KCNN3: variants seen among roughly 807,000 people sequenced by gnomAD.
KCNN3 encodes the protein potassium calcium-activated channel subfamily N member 3, also known as small conductance calcium-activated potassium channel protein 3.
Under a neutral mutation model 62.9 loss-of-function variants are expected in KCNN3, and 16 were observed. That is an observed-to-expected ratio of 0.25 (90% CI 0.17 to 0.39). The LOEUF (loss-of-function observed/expected upper bound fraction) is 0.39. Ranked by LOEUF, KCNN3 falls within the 10% of genes least tolerant of loss-of-function variation. KCNN3 has a pLI of 1.00. For synonymous variants in KCNN3, 370 were observed against 389.2 expected (o/e 0.95, Z 0.58); for missense variants, 599 against 949.4 (o/e 0.63, Z 4.85).
intron 2 of KCNN3, among the ~76,000 whole-genome samples, chr1:154,785,340 A>G (rs1649230452): frequency 6.6e-6 from 1 of 152,144 alleles, no homozygotes; most frequent in Non-Finnish European, 1.5e-5. Context: ...TGAACAGCCT[A>G]GGGAGCTGAA....
rs1263174399 is a variant in KCNN3, at chr1:154,708,105, C to T, written c.2067G>A (p.Leu689=). 6.2e-7 allele frequency: 1 copy of T among 1,613,836 alleles called. No individual in the cohort carries two copies. The highest frequency in any genetic ancestry group is 8.5e-7 in the Non-Finnish European group (1 of 1,180,022). Residue 689 remains leucine (L), a synonymous_variant, in exon 8 of 8, where the codon CTG becomes CTA. Transcript: ENST00000271915. ...DTLRQQQQQL[L]SAIIEARGVS... ...CACCCCGGGCCTCGATGATGGCAGA[C>T]AGGAGCTGCTGCTGCTGCTGGCGCA...
intron 1 of KCNN3, among the ~76,000 whole-genome samples, chr1:154,826,304 C>A (rs1262781079): frequency 6.6e-6 from 1 of 152,154 alleles, no homozygotes; most frequent in African/African-American, 2.4e-5. Context: ...CTGCTCCAGG[C>A]CACGAGCCAG....
intron 3 of KCNN3, among the ~76,000 whole-genome samples, chr1:154,749,564 G>T (rs137881298): frequency 6.6e-6 from 1 of 152,218 alleles, no homozygotes; most frequent in Non-Finnish European, 1.5e-5. Flanking sequence ...CTGGTTGGGC[G>T]TCTTTCCCTG....
chr1:154,744,057 G>A (rs994659063), intron 3 of KCNN3, among the ~76,000 whole-genome samples: 3 of 152,040 alleles, frequency 2.0e-5, no homozygotes, highest in South Asian at 2.1e-4. Flanking sequence ...AGCTTCTCCC[G>A]AGTCATTCTT....
chr1:154,731,941 C>A (rs111650452), intron 4 of KCNN3, among the ~76,000 whole-genome samples: 1 of 152,176 alleles, frequency 6.6e-6, no homozygotes, highest in East Asian at 1.9e-4. Context: ...GATTCCAGGA[C>A]GAAGGCCAAA....
At chr1:154,817,342 G>T (rs574843867) in intron 2 of KCNN3, among the ~76,000 whole-genome samples, 1 of 152,224 alleles carries the variant, frequency 6.6e-6, no homozygotes, top group African/African-American at 2.4e-5. Context: ...GAGGAAAGGG[G>T]TATATGTGCT....
At chr1:154,838,160 G>C (rs1383352754) in intron 1 of KCNN3, among the ~76,000 whole-genome samples, 1 of 152,146 alleles carries the variant, frequency 6.6e-6, no homozygotes, top group African/African-American at 2.4e-5. Flanking sequence ...CAGGAAGGCG[G>C]CCACGGGTGT....
At chr1:154,798,916 ATT>A (rs56240234) in intron 2 of KCNN3, among the ~76,000 whole-genome samples, 13,581 of 131,220 alleles carry the variant, frequency 0.1, 513 homozygotes, top group South Asian at 0.21. Context: ...CACTTATTGC[ATT>A]TTTTTTTTTT....
chr1:154,798,021 T>C (rs1190654104), intron 2 of KCNN3, among the ~76,000 whole-genome samples: 1 of 152,174 alleles, frequency 6.6e-6, no homozygotes, highest in African/African-American at 2.4e-5. Flanking sequence ...GAAATCCAGC[T>C]CCATCACTGG....
chr1:154,770,723 T>C (rs1648516246), intron 3 of KCNN3, among the ~76,000 whole-genome samples: 1 of 152,188 alleles, frequency 6.6e-6, no homozygotes, highest in African/African-American at 2.4e-5. Flanking sequence ...AATCACGGTT[T>C]CTAACCTAGA....
intron 1 of KCNN3, among the ~76,000 whole-genome samples, chr1:154,852,135 T>C (rs987805271): frequency 1.3e-5 from 2 of 152,200 alleles, no homozygotes; most frequent in African/African-American, 4.8e-5. Context: ...TAAAATTAAA[T>C]ATAAAAAGAC....
intron 3 of KCNN3, among the ~76,000 whole-genome samples, chr1:154,735,495 C>T (rs1571223559): frequency 6.6e-6 from 1 of 152,302 alleles, no homozygotes; most frequent in East Asian, 1.9e-4. Flanking sequence ...ATACTTGCTC[C>T]CCAGGGATGC....
intron 4 of KCNN3, among the ~76,000 whole-genome samples, chr1:154,727,423 C>T (rs1266630236): frequency 6.6e-6 from 1 of 152,192 alleles, no homozygotes; most frequent in Non-Finnish European, 1.5e-5. Flanking sequence ...TGGGTGGATC[C>T]ATTCCCTACT....
intron 3 of KCNN3, among the ~76,000 whole-genome samples, chr1:154,767,684 C>T (rs1648358222): frequency 6.6e-6 from 1 of 152,174 alleles, no homozygotes. Context: ...GGGAGGTGGG[C>T]AGGCAGCCAG....
intron 3 of KCNN3, among the ~76,000 whole-genome samples, chr1:154,770,042 T>G (rs984993040): frequency 3.9e-5 from 6 of 152,186 alleles, no homozygotes; most frequent in African/African-American, 1.4e-4. Context: ...CATGAAGAGT[T>G]TGGGGTCGGA....
At chr1:154,717,408 C>A (rs1700254029) in intron 5 of KCNN3, among the ~76,000 whole-genome samples, 1 of 152,156 alleles carries the variant, frequency 6.6e-6, no homozygotes, top group African/African-American at 2.4e-5. Context: ...GATGTGAGAG[C>A]CAGAATCACA....
intron 2 of KCNN3, among the ~76,000 whole-genome samples, chr1:154,786,441 A>T (rs1028024539): frequency 2.0e-5 from 3 of 152,250 alleles, no homozygotes; most frequent in Non-Finnish European, 4.4e-5. Flanking sequence ...TATGGTACTC[A>T]TACTGGGGAA....
At chr1:154,710,296 G>A (rs1700048379) in intron 7 of KCNN3, among the ~76,000 whole-genome samples, 1 of 152,150 alleles carries the variant, frequency 6.6e-6, no homozygotes, top group Admixed American at 6.5e-5. Flanking sequence ...GTCTCCCCCT[G>A]TTCCGTTGCT....
chr1:154,714,611 TG>T (rs150707249), intron 6 of KCNN3, among the ~76,000 whole-genome samples: 35,738 of 54,004 alleles, frequency 0.66, 9,972 homozygotes, highest in East Asian at 0.79. Context: ...GTGTGGTGTG[TG>T]GTGTGTGTGT....
Sources: gnomAD v4.1 joint callset for allele counts (sites outside exome capture counted in the v4.1 genomes callset) on GRCh38, gnomAD v4.1.1 for gene constraint, MANE v1.5 for transcripts, NCBI Gene and HGNC (gene_info 2026-07-23, HGNC 2026-07-21) for gene names.